Variants in DHTKD1 observed in about 807,000 individuals in gnomAD.
The protein encoded by DHTKD1 is 2-oxoadipate dehydrogenase complex component E1.
In DHTKD1, 78 loss-of-function variants were observed where a neutral mutation model predicts 101.8. The observed-to-expected ratio is 0.77, with a 90% CI of 0.64 to 0.93. The LOEUF (loss-of-function observed/expected upper bound fraction) is 0.93. DHTKD1 is among the 40% of genes least tolerant of loss of function. The pLI is 0.00. For missense variants in DHTKD1, 1,223 were observed against 1,161.7 expected, an observed-to-expected ratio of 1.05 and a Z score of -0.77; for synonymous variants, 462 against 450.3, an observed-to-expected ratio of 1.03 and a Z score of -0.33.
At chr10:12,088,805 G>A (rs533308379) in intron 4 of DHTKD1, among the ~76,000 whole-genome samples, 181 bp from the exon 5 acceptor site, 139 of 152,022 alleles carry the variant, frequency 9.1e-4, no homozygotes, top group African/African-American at 3.2e-3. Flanking sequence ...GGCTGGTCCC[G>A]AACTCCTGAC....
chr10:12,118,253 T>G (rs1162200753), intron 14 of DHTKD1, among the ~76,000 whole-genome samples: 1 of 151,916 alleles, frequency 6.6e-6, no homozygotes, highest in Non-Finnish European at 1.5e-5. Context: ...AAAGTGGACT[T>G]TGTAGGCGCA....
intron 7 of DHTKD1, among the ~76,000 whole-genome samples, chr10:12,095,702 A>T (rs1350582322): frequency 6.7e-6 from 1 of 149,006 alleles, no homozygotes; most frequent in African/African-American, 2.5e-5. Context: ...AGTCCCAGCT[A>T]CTCGGGAGGC....
Position 12,083,647 on chromosome 10 carries a change from T to A in DHTKD1, c.311-893T>A, listed in dbSNP as rs181859653. 9.3e-4 allele frequency among the ~76,000 whole-genome samples: 140 copies of A among 151,210 alleles called. 1 individual carries two copies. Among genetic ancestry groups the A allele is most frequent in the African/African-American group, 3.3e-3 (138 of 41,262 alleles). On this transcript the variant is annotated intron_variant, in intron 2 of 16. Coordinates refer to ENST00000263035, the MANE Select transcript of DHTKD1 (RefSeq NM_018706.7). ...TACTCGGGAGGCTGAGGCAGGAGAA[T>A]CACTTGAACCTGGGAGGCAGAGGTT...
chr10:12,073,025 C>G (rs996368667), intron 1 of DHTKD1, among the ~76,000 whole-genome samples: 2 of 146,718 alleles, frequency 1.4e-5, no homozygotes, highest in African/African-American at 5.1e-5. Context: ...CATGAGCCAC[C>G]GTGCCTGACC....
rs769786194 is a variant in DHTKD1 at position 12,089,252 on chromosome 10, A to G, written c.984A>G (p.Leu328=). 1 of 1,613,460 alleles carries G rather than the reference A, an allele frequency of 6.2e-7. No individual in the cohort carries two copies. Among genetic ancestry groups the G allele is most frequent in the Non-Finnish European group, 8.5e-7 (1 of 1,179,700 alleles). ...AGCCGGGGGACAGGGTCATTTGCTT[A>G]CAGGTACTTGGAGCTTCTGAAATTG... ...SAQPGDRVIC[L]QVHGDASFCG... The change falls in exon 5 of 17, where the codon TTA becomes TTG. Residue 328 remains leucine, a synonymous_variant. Coordinates refer to ENST00000263035, the MANE Select transcript of DHTKD1 (RefSeq NM_018706.7).
Position 12,081,644 on chromosome 10 carries a change from G to T in DHTKD1, c.310+17G>T. The T allele has an allele frequency of 6.2e-7, 1 of 1,613,804 alleles. No individual in the cohort carries two copies. Among genetic ancestry groups the T allele is most frequent in the Non-Finnish European group, 8.5e-7 (1 of 1,179,826 alleles). On this transcript the variant is annotated intron_variant, in intron 2 of 16. Coordinates refer to ENST00000263035, the MANE Select transcript of DHTKD1 (RefSeq NM_018706.7). ...ACACGGCAGGTATGGCTTCTGCACA[G>T]CAGGCGGGAGCTCGGAGCTGCACAC...
At chr10:12,118,126 G>T (rs1386628304) in intron 14 of DHTKD1, among the ~76,000 whole-genome samples, 1 of 151,900 alleles carries the variant, frequency 6.6e-6, no homozygotes, top group African/African-American at 2.4e-5. Flanking sequence ...CTGACCTCAG[G>T]TTATCCACCC....
chr10:12,101,130 C>T lies in DHTKD1; in HGVS notation c.1845C>T (p.Asp615=), dbSNP rs1382014134. ...HAIVVCQETD[D]TYIPLNHMDP... is the part of the protein sequence containing the mutation. ...TCGTGGTTTGCCAGGAGACGGATGA[C>T]ACCTACATCCCCCTGAACCATATGG... is the stretch of plus-strand genomic sequence containing the variant. The change falls in exon 10 of 17, where the codon GAC becomes GAT. Residue 615 remains aspartate, a synonymous_variant. Coordinates refer to ENST00000263035, the MANE Select transcript of DHTKD1 (RefSeq NM_018706.7). 5 of 1,613,952 alleles carry T rather than the reference C, an allele frequency of 3.1e-6. No homozygotes were observed. The highest frequency in any genetic ancestry group is 4.2e-6 in the Non-Finnish European group (5 of 1,179,996).
chr10:12,102,492 T>C (rs1833187604), intron 10 of DHTKD1, among the ~76,000 whole-genome samples: 1 of 151,508 alleles, frequency 6.6e-6, no homozygotes, highest in African/African-American at 2.4e-5. Context: ...TGAAGGGATA[T>C]GGAGCTCATC....
Position 12,103,767 on chromosome 10 carries a change from TG to T in DHTKD1, c.1897-2477del, listed in dbSNP as rs1833206338. ...CTGGCCTCAAGCAATCCTCCTGCCT[TG>T]GCCTCCCAAAGTGCTGGGATTATAG... On this transcript the variant is annotated intron_variant, in intron 10 of 16. Coordinates refer to ENST00000263035, the MANE Select transcript of DHTKD1 (RefSeq NM_018706.7). The surrounding 1 kb of genome is among the most constrained non-coding windows in gnomAD (Gnocchi z 4.8). 6.6e-6 allele frequency among the ~76,000 whole-genome samples: 1 copy of T among 152,146 alleles called. No individual in the cohort carries two copies. Among genetic ancestry groups the T allele is most frequent in the Admixed American group, 6.6e-5 (1 of 15,244 alleles).
rs201054318 is a variant in DHTKD1 at position 12,120,865 on chromosome 10, A to G, written c.2737A>G (p.Ile913Val). 6.2e-7 allele frequency: 1 copy of G among 1,613,962 alleles called. No homozygotes were observed. The highest frequency in any genetic ancestry group is 2.2e-5 in the East Asian group (1 of 44,874). Residue 913 changes from isoleucine (I) to valine (V), a missense_variant, in exon 17 of 17, where the codon ATC (isoleucine) becomes GTC (valine). By Grantham distance (29) the Ile-to-Val change is conservative. Transcript: ENST00000263035. ...AGTTCACTTGCACCAGCATGAAGAT[A>G]TCCTCGCCAAGACCTTCGCTTGATG... Reference protein sequence around the residue: ...GTVHLHQHEDILAKTFA With the variant: ...GTVHLHQHEDVLAKTFA
intron 1 of DHTKD1, among the ~76,000 whole-genome samples, chr10:12,071,092 T>C (rs186852591): frequency 5.9e-5 from 9 of 152,316 alleles, no homozygotes; most frequent in African/African-American, 2.2e-4. Context: ...ATTTTTAGGC[T>C]CTGTTAGGGC....
At chr10:12,070,747 C>T (rs1832639752) in intron 1 of DHTKD1, among the ~76,000 whole-genome samples, 1 of 152,172 alleles carries the variant, frequency 6.6e-6, no homozygotes, top group Admixed American at 6.5e-5. Flanking sequence ...CCTTGGCCTC[C>T]TAAAGTGCTG....
chr10:12,100,118 T>G, intron 8 of DHTKD1, 60 bp from the exon 9 acceptor site: 3 of 1,002,762 alleles, frequency 3.0e-6, no homozygotes, highest in Non-Finnish European at 4.5e-6. Context: ...TTTGTACTCA[T>G]TGTGAAAAAG....
chr10:12,111,137 T>C (rs1468256282), intron 12 of DHTKD1, among the ~76,000 whole-genome samples: 1 of 151,272 alleles, frequency 6.6e-6, no homozygotes, highest in East Asian at 1.9e-4. Context: ...CAGTAGCTGG[T>C]GGGAAAATTT....
At chr10:12,093,227 A>G (rs1387020904) in intron 6 of DHTKD1, among the ~76,000 whole-genome samples, 2 of 152,096 alleles carry the variant, frequency 1.3e-5, no homozygotes, top group Admixed American at 6.6e-5. Flanking sequence ...TGTTTTTAGT[A>G]GAGACGGGGT....
In DHTKD1 at chr10:12,107,707, C is replaced by T. The variant is rs972328672; in HGVS notation, c.2048-202C>T. 1.6e-4 allele frequency among the ~76,000 whole-genome samples: 25 copies of T among 152,060 alleles called. No individual in the cohort carries two copies. The highest frequency in any genetic ancestry group is 2.9e-4 in the Non-Finnish European group (20 of 68,004). On this transcript the variant is annotated intron_variant, in intron 11 of 16. Transcript: ENST00000263035. This position sits in a 1 kb window ranked among gnomAD's most constrained non-coding sequence, Gnocchi z 4.1. ...TGCTGGGATTACAGGTGTGAGCCAC[C>T]GTGCCTAGCCCATGATAGGTTTTCA... is the stretch of plus-strand genomic sequence containing the variant.
Position 12,119,533 on chromosome 10 carries a change from G to A in DHTKD1, c.2572+615G>A, listed in dbSNP as rs1474543459. 6.2e-5 allele frequency among the ~76,000 whole-genome samples: 9 copies of A among 146,238 alleles called. No homozygotes were observed. In the South Asian group the frequency reaches 8.7e-4, roughly 14 times the overall value. On this transcript the variant is annotated intron_variant, in intron 15 of 16. Coordinates refer to ENST00000263035, the MANE Select transcript of DHTKD1 (RefSeq NM_018706.7). ...TGGGAGGCTGACGCAGGAGAATGGC[G>A]TGAACCCGGGAGGCGGAGCTTGCAG...
intron 1 of DHTKD1, among the ~76,000 whole-genome samples, chr10:12,070,189 A>G (rs995116482): frequency 6.6e-6 from 1 of 152,186 alleles, no homozygotes; most frequent in Admixed American, 6.6e-5. Context: ...AACAGTCATG[A>G]ATATCAGCTT....
Sources: gnomAD v4.1 joint callset for allele counts (sites outside exome capture counted in the v4.1 genomes callset) on GRCh38, gnomAD v4.1.1 for gene constraint, Gnocchi (gnomAD v3.1) non-coding constraint, MANE v1.5 for transcripts, NCBI Gene and HGNC (gene_info 2026-07-23, HGNC 2026-07-21) for gene names.